The following UHRF2 variants were observed in gnomAD, a reference collection of about 807,000 sequenced individuals.
UHRF2 encodes the protein ubiquitin like with PHD and ring finger domains 2, also known as E3 ubiquitin-protein ligase UHRF2.
In UHRF2, 23 loss-of-function variants were observed where a neutral mutation model predicts 96.8. The observed-to-expected ratio is 0.24, with a 90% confidence interval of 0.17 to 0.34. The LOEUF is 0.34. Ranked by LOEUF, UHRF2 falls within the 10% of genes least tolerant of loss-of-function variation. UHRF2 has a pLI of 1.00. For synonymous variants in UHRF2, 385 were observed against 332.6 expected, an observed-to-expected ratio of 1.16 and a Z score of -1.72; for missense variants, 685 against 981.5, an observed-to-expected ratio of 0.70 and a Z score of 4.04.
chr9:6,499,024 CAACTACTA>C (rs1232023391), intron 12 of UHRF2: 2 of 152,190 alleles, frequency 1.3e-5, no homozygotes, highest in African/African-American at 2.4e-5. Flanking sequence ...ACTGCTAAAA[CAACTACTA>C]AAATAATTCT....
At chr9:6,490,518 C>T (rs903481154) in intron 9 of UHRF2, among the ~76,000 whole-genome samples, 1 of 152,158 alleles carries the variant, frequency 6.6e-6, no homozygotes, top group Non-Finnish European at 1.5e-5. Context: ...ATCCCAGCTA[C>T]TTGGGAGGCT....
chr9:6,486,637 ACTCTGT>A (rs747929365), intron 8 of UHRF2, among the ~76,000 whole-genome samples, 178 bp from the exon 9 acceptor site: 3 of 152,156 alleles, frequency 2.0e-5, no homozygotes, highest in Non-Finnish European at 4.4e-5. Flanking sequence ...AAAAGATAGA[ACTCTGT>A]GAGACTCACT....
At chr9:6,482,670 C>T (rs1014937678) in intron 8 of UHRF2, among the ~76,000 whole-genome samples, 31 of 150,302 alleles carry the variant, frequency 2.1e-4, no homozygotes, top group Admixed American at 2.1e-3. Context: ...GATCTCAGCT[C>T]ACTGCAAGCT....
chr9:6,461,263 T>C (rs1455553393), intron 4 of UHRF2, among the ~76,000 whole-genome samples: 2 of 152,058 alleles, frequency 1.3e-5, no homozygotes, highest in East Asian at 3.9e-4. Flanking sequence ...GAATGCAAAA[T>C]GTCACCTGAA....
At chr9:6,468,928 T>G (rs1823046559) in intron 4 of UHRF2, among the ~76,000 whole-genome samples, 1 of 152,192 alleles carries the variant, frequency 6.6e-6, no homozygotes, top group African/African-American at 2.4e-5. Flanking sequence ...AGTAGGAAGG[T>G]TGAACTTTCC....
intron 3 of UHRF2, among the ~76,000 whole-genome samples, chr9:6,448,570 A>G (rs1030427658): frequency 1.3e-5 from 2 of 152,238 alleles, no homozygotes; most frequent in Non-Finnish European, 2.9e-5. Context: ...AAGGGTTGTT[A>G]TAAGTATATG....
At chr9:6,456,093 T>G (rs191983626) in intron 3 of UHRF2, among the ~76,000 whole-genome samples, 10 of 152,360 alleles carry the variant, frequency 6.6e-5, no homozygotes, top group Admixed American at 6.5e-4. Flanking sequence ...ACAGCCAAGT[T>G]ACTGATAGAA....
intron 9 of UHRF2, among the ~76,000 whole-genome samples, chr9:6,490,158 A>C (rs1310408715): frequency 2.0e-5 from 3 of 152,186 alleles, no homozygotes; most frequent in Non-Finnish European, 2.9e-5. Context: ...GGTCTCTGAC[A>C]TTTGTTGTAT....
intron 1 of UHRF2, among the ~76,000 whole-genome samples, chr9:6,418,076 A>G (rs1819716655): frequency 6.6e-6 from 1 of 152,148 alleles, no homozygotes; most frequent in South Asian, 2.1e-4. Context: ...AAAAATAGTC[A>G]TAATGTTTGT....
chr9:6,477,537 C>G, intron 5 of UHRF2, 85 bp from the exon 6 acceptor site: 3 of 1,303,586 alleles, frequency 2.3e-6, no homozygotes, highest in Non-Finnish European at 3.1e-6. Context: ...AAAAAAAATG[C>G]TGTTTCCATG....
At chr9:6,431,972 A>G (rs1194079697) in intron 2 of UHRF2, among the ~76,000 whole-genome samples, 1 of 152,204 alleles carries the variant, frequency 6.6e-6, no homozygotes, top group Non-Finnish European at 1.5e-5. Context: ...TAGTAACCTC[A>G]GTTTATTCTC....
At chr9:6,465,966 CAAAAACATTTTTTA>C (rs1237808235) in intron 4 of UHRF2, among the ~76,000 whole-genome samples, 2 of 152,070 alleles carry the variant, frequency 1.3e-5, no homozygotes, top group African/African-American at 4.8e-5. Context: ...GTTTGGGATT[CAAAAACATTTTTTA>C]AAATAATTTG....
intron 3 of UHRF2, among the ~76,000 whole-genome samples, chr9:6,459,165 A>G (rs1255665668): frequency 6.6e-6 from 1 of 152,188 alleles, no homozygotes; most frequent in Non-Finnish European, 1.5e-5. Context: ...CTGTATACCT[A>G]AGTAACAAAC....
At chr9:6,498,290 G>T in intron 12 of UHRF2, 132 bp downstream of exon 12, 1 of 951,574 alleles carries the variant, frequency 1.1e-6, no homozygotes, top group Admixed American at 3.4e-5. Flanking sequence ...ATAAGATCAT[G>T]CAAATAGACA....
At chr9:6,445,800 G>A (rs1370480670) in intron 3 of UHRF2, among the ~76,000 whole-genome samples, 2 of 152,110 alleles carry the variant, frequency 1.3e-5, no homozygotes, top group Non-Finnish European at 1.5e-5. Context: ...CTGGGCTCAA[G>A]CAGTCCTTCC....
intron 1 of UHRF2, among the ~76,000 whole-genome samples, chr9:6,419,535 T>A (rs1398146369): frequency 6.6e-6 from 1 of 152,216 alleles, no homozygotes; most frequent in Admixed American, 6.5e-5. Flanking sequence ...TTTGACTTAA[T>A]GTGTTTTTTA....
chr9:6,504,659 G>C lies in UHRF2; in HGVS notation c.2230G>C (p.Val744Leu). The change falls in exon 15 of 16, where the codon GTG becomes CTG. Residue 744 changes from valine to leucine, a missense_variant. Physicochemically the swap from Val to Leu is conservative, Grantham distance 32. Transcript: ENST00000276893. Reference protein sequence around the residue: ...VCCQELVYQPVTTECFHNVCK... With the variant: ...VCCQELVYQPLTTECFHNVCK... ...CTGTCAGGAGCTAGTTTACCAGCCT[G>C]TGACAACTGAGTGCTTCCACAATGT... 1.2e-6 allele frequency: 2 copies of C among 1,613,830 alleles called. No homozygotes were observed. The highest frequency in any genetic ancestry group is 1.7e-6 in the Non-Finnish European group (2 of 1,179,816).
chr9:6,440,308 G>A lies in UHRF2; in HGVS notation c.644+6135G>A, dbSNP rs144350600. Among the ~76,000 whole-genome samples the A allele has an allele frequency of 2.3e-4, 35 of 152,248 alleles. No individual in the cohort carries two copies. The Middle Eastern group carries it at 0.01, about 44-fold the overall frequency. On this transcript the variant is annotated intron_variant, in intron 3 of 15. Coordinates refer to ENST00000276893, the MANE Select transcript of UHRF2 (RefSeq NM_152896.3). ...GACTCTGAGCATAACTTCTTACACA[G>A]ATGCTATGTAATATTTAGCATGATT...
At chr9:6,428,533 C>CTTTTTTTTTTTTTTTT (rs1171172143) in intron 2 of UHRF2, among the ~76,000 whole-genome samples, 40 of 65,418 alleles carry the variant, frequency 6.1e-4, no homozygotes, top group East Asian at 1.2e-3. Context: ...ATTGCTTTTG[C>CTTTTTTTTTTTTTTTT]TTTTTTTTTT....
Sources: gnomAD v4.1 joint callset for allele counts (sites outside exome capture counted in the v4.1 genomes callset) on GRCh38, gnomAD v4.1.1 for gene constraint, MANE v1.5 for transcripts, NCBI Gene and HGNC (gene_info 2026-07-23, HGNC 2026-07-21) for gene names.